The following CACNA2D3 variants were observed in gnomAD, a reference collection of about 807,000 sequenced individuals.
The protein encoded by CACNA2D3 is voltage-dependent calcium channel subunit alpha-2/delta-3.
A neutral mutation model predicts 160.6 loss-of-function variants in CACNA2D3; 60 were observed. The observed-to-expected ratio is 0.37, with a 90% confidence interval of 0.30 to 0.46. The LOEUF (loss-of-function observed/expected upper bound fraction) is 0.46, where lower values mean the gene tolerates loss of function less well. CACNA2D3 is among the 20% of genes least tolerant of loss of function. CACNA2D3 has a pLI of 1.00. For missense variants in CACNA2D3, 1,205 were observed against 1,365.0 expected, an observed-to-expected ratio of 0.88 and a Z score of 1.85; for synonymous variants, 558 against 492.9, an observed-to-expected ratio of 1.13 and a Z score of -1.75.
chr3:54,249,409 GA>G (rs1186613549), intron 2 of CACNA2D3, among the ~76,000 whole-genome samples: 1 of 152,078 alleles, frequency 6.6e-6, no homozygotes, highest in Non-Finnish European at 1.5e-5. Context: ...TGGCATCCCA[GA>G]GTGAGAAGGA....
chr3:54,168,611 C>T (rs1449876238), intron 2 of CACNA2D3, among the ~76,000 whole-genome samples: 2 of 152,048 alleles, frequency 1.3e-5, no homozygotes, highest in South Asian at 2.1e-4. Context: ...TGAGGTCAGC[C>T]GACTTCTCAG....
intron 2 of CACNA2D3, among the ~76,000 whole-genome samples, chr3:54,253,635 A>T (rs928232569): frequency 1.3e-5 from 2 of 152,172 alleles, no homozygotes; most frequent in Admixed American, 1.3e-4. Flanking sequence ...AAGCCATATC[A>T]GTGTCTATTC....
At chr3:54,909,353 G>C (rs981445115) in intron 27 of CACNA2D3, among the ~76,000 whole-genome samples, 1 of 151,908 alleles carries the variant, frequency 6.6e-6, no homozygotes, top group East Asian at 1.9e-4. Flanking sequence ...GAGAGATTTG[G>C]GGATTTATTT....
chr3:54,129,131 ACT>A (rs201241824), intron 2 of CACNA2D3, among the ~76,000 whole-genome samples: 4,089 of 152,170 alleles, frequency 0.027, 116 homozygotes, highest in East Asian at 0.099. Flanking sequence ...TGACCAACAG[ACT>A]CTGTCTGAAG....
chr3:54,734,616 C>T (rs1701460025), intron 11 of CACNA2D3, among the ~76,000 whole-genome samples: 1 of 152,168 alleles, frequency 6.6e-6, no homozygotes, highest in Non-Finnish European at 1.5e-5. Context: ...TTTGGGGATG[C>T]TCGAAGCATC....
intron 13 of CACNA2D3, chr3:54,789,715 G>A: frequency 2.2e-6 from 1 of 447,728 alleles, no homozygotes; most frequent in South Asian, 1.6e-5. Context: ...TTAATTCTAG[G>A]TATATGAGTT....
intron 31 of CACNA2D3, among the ~76,000 whole-genome samples, chr3:55,002,606 G>A (rs537802889): frequency 5.3e-5 from 8 of 152,302 alleles, no homozygotes; most frequent in East Asian, 1.9e-4. Flanking sequence ...TATGGTCTTC[G>A]TTTCTGTTTG....
chr3:54,549,806 TTAA>T (rs1481635630), intron 5 of CACNA2D3, among the ~76,000 whole-genome samples: 1 of 152,174 alleles, frequency 6.6e-6, no homozygotes, highest in Non-Finnish European at 1.5e-5. Flanking sequence ...TGTGTTTATA[TTAA>T]ATATCAATAA....
chr3:54,135,332 G>T (rs1220833116), intron 2 of CACNA2D3, among the ~76,000 whole-genome samples: 2 of 152,200 alleles, frequency 1.3e-5, no homozygotes, highest in Non-Finnish European at 2.9e-5. Flanking sequence ...CACCCTGCAT[G>T]GGGCCTGTCA....
intron 27 of CACNA2D3, chr3:54,924,762 T>A (rs1190562036): frequency 6.2e-7 from 1 of 1,614,008 alleles, no homozygotes; most frequent in Non-Finnish European, 8.5e-7. Flanking sequence ...CTGGTTTTGT[T>A]GAACCGCAAG....
chr3:54,559,442 G>A (rs1166570951), intron 5 of CACNA2D3, among the ~76,000 whole-genome samples: 1 of 151,956 alleles, frequency 6.6e-6, no homozygotes, highest in African/African-American at 2.4e-5. Flanking sequence ...ACAGACGCCC[G>A]CCACCACGCC....
chr3:54,886,797 T>C (rs889461058), intron 23 of CACNA2D3, among the ~76,000 whole-genome samples: 2 of 151,946 alleles, frequency 1.3e-5, no homozygotes, highest in Non-Finnish European at 2.9e-5. Context: ...TTTTCACCCA[T>C]TATATTTTTG....
At chr3:54,829,483 C>G (rs968101285) in intron 14 of CACNA2D3, among the ~76,000 whole-genome samples, 1 of 152,120 alleles carries the variant, frequency 6.6e-6, no homozygotes, top group African/African-American at 2.4e-5. Flanking sequence ...GGGAAGGTAT[C>G]TAAATTGCCA....
intron 15 of CACNA2D3, among the ~76,000 whole-genome samples, chr3:54,837,449 G>A (rs1698718043): frequency 6.6e-6 from 1 of 152,122 alleles, no homozygotes; most frequent in Non-Finnish European, 1.5e-5. Flanking sequence ...CAAAGTTTAA[G>A]TATTAGAGGA....
intron 21 of CACNA2D3, among the ~76,000 whole-genome samples, chr3:54,882,783 A>C (rs1488541580): frequency 6.6e-6 from 1 of 152,162 alleles, no homozygotes; most frequent in Non-Finnish European, 1.5e-5. Context: ...TGGAGAGGGA[A>C]GGAGTTCCTT....
At chr3:54,951,640 G>A (rs539819177) in intron 27 of CACNA2D3, among the ~76,000 whole-genome samples, 2 of 151,612 alleles carry the variant, frequency 1.3e-5, no homozygotes, top group Admixed American at 1.3e-4. Context: ...AGGCGTGCAG[G>A]GCTCCAGTCC....
At chr3:54,548,406 G>T (rs184502635) in intron 5 of CACNA2D3, among the ~76,000 whole-genome samples, 1 of 152,176 alleles carries the variant, frequency 6.6e-6, no homozygotes, top group Non-Finnish European at 1.5e-5. Context: ...TGACATAGGA[G>T]GGAGGAGCCT....
intron 4 of CACNA2D3, among the ~76,000 whole-genome samples, chr3:54,424,363 A>G (rs1699882575): frequency 1.3e-5 from 2 of 152,204 alleles, no homozygotes; most frequent in Admixed American, 1.3e-4. Context: ...ATTGAGGTAC[A>G]AAAGGAGCTC....
chr3:54,381,596 A>C (rs1208699501), intron 3 of CACNA2D3, among the ~76,000 whole-genome samples: 1 of 152,192 alleles, frequency 6.6e-6, no homozygotes, highest in Non-Finnish European at 1.5e-5. Context: ...GACCTCTACC[A>C]TGTCTTTAAC....
Sources: allele counts gnomAD v4.1 joint callset (sites outside exome capture counted in the v4.1 genomes callset), GRCh38; gene constraint gnomAD v4.1.1; transcripts MANE v1.5; gene names NCBI Gene and HGNC (gene_info 2026-07-23, HGNC 2026-07-21).